Variants in DPP6 observed in about 807,000 individuals in gnomAD.
DPP6 encodes the protein dipeptidyl peptidase like 6.
DPP6 carries 69 observed loss-of-function variants against 122.6 expected under a neutral mutation model. The ratio of observed to expected loss-of-function variants is 0.56; its 90% CI spans 0.46 to 0.69. The LOEUF is 0.69. Ranked by LOEUF, DPP6 falls within the 30% of genes least tolerant of loss-of-function variation. The pLI is 0.00. For missense variants in DPP6, 928 were observed against 1,116.9 expected, an observed-to-expected ratio of 0.83 and a Z score of 2.41; for synonymous variants, 418 against 433.1, an observed-to-expected ratio of 0.97 and a Z score of 0.43.
At position 154,502,346 on chromosome 7, in the gene DPP6, G is replaced by A. The variant is rs181939776; in HGVS notation, c.457+27309G>A. Among the ~76,000 whole-genome samples, 575 of 152,172 alleles carry A rather than the reference G, an allele frequency of 3.8e-3. 1 individual carries two copies. Among genetic ancestry groups the A allele is most frequent in the Non-Finnish European group, 6.2e-3 (423 of 68,008 alleles). On this transcript the variant is annotated intron_variant, in intron 3 of 25. Coordinates refer to ENST00000377770, the MANE Select transcript of DPP6 (RefSeq NM_130797.4). ...ATGAGATTTGGGAGGGGCTAGGGGT[G>A]GAATGATATGATTTGGCTCTGTCCC...
At chr7:153,904,937 C>T (rs1799788445) in intron 1 of DPP6, among the ~76,000 whole-genome samples, 2 of 152,216 alleles carry the variant, frequency 1.3e-5, no homozygotes, top group East Asian at 3.8e-4. Context: ...AGACAGGAAG[C>T]TGTCCATTTT....
intron 1 of DPP6, among the ~76,000 whole-genome samples, chr7:154,367,211 C>T (rs1391050817): frequency 1.3e-5 from 2 of 152,192 alleles, no homozygotes; most frequent in African/African-American, 2.4e-5. Flanking sequence ...GACAGAGACC[C>T]GGAAGGATCC....
chr7:153,816,714 A>G, the DPP6 span, among the ~76,000 whole-genome samples: 1 of 152,056 alleles, frequency 6.6e-6, no homozygotes, highest in East Asian at 1.9e-4. Context: ...ATATCCCAGT[A>G]GAGGAATCCA....
chr7:154,688,711 T>C (rs1292136840), intron 7 of DPP6, among the ~76,000 whole-genome samples: 1 of 152,148 alleles, frequency 6.6e-6, no homozygotes, highest in Admixed American at 6.5e-5. Context: ...CTCTTTTTCA[T>C]GTTTTTCTGC....
intron 1 of DPP6, among the ~76,000 whole-genome samples, chr7:153,937,589 A>G (rs1801515801): frequency 6.6e-6 from 1 of 151,850 alleles, no homozygotes. Context: ...CTGGGATAAC[A>G]GGCGCCCGCC....
intron 1 of DPP6, among the ~76,000 whole-genome samples, chr7:154,283,311 T>G (rs889033437): frequency 5.3e-5 from 8 of 152,308 alleles, no homozygotes; most frequent in Admixed American, 2.0e-4. Flanking sequence ...TTATTGCAAC[T>G]CTGTGTGCCT....
the DPP6 span, among the ~76,000 whole-genome samples, chr7:153,841,683 AACT>A: frequency 6.6e-6 from 1 of 152,236 alleles, no homozygotes; most frequent in African/African-American, 2.4e-5. Flanking sequence ...ATCTTAAAGC[AACT>A]AGAGTCAGCT....
chr7:154,587,500 T>A, intron 5 of DPP6: 1 of 801,444 alleles, frequency 1.2e-6, no homozygotes, highest in Non-Finnish European at 1.9e-6. Context: ...ATGCAAAATA[T>A]TGTACCTCTG....
intron 1 of DPP6, among the ~76,000 whole-genome samples, chr7:154,002,852 A>G (rs1797747047): frequency 2.0e-5 from 3 of 152,166 alleles, no homozygotes; most frequent in Admixed American, 2.0e-4. Flanking sequence ...AGAGTTGGTA[A>G]CACACTTTCT....
chr7:153,846,575 C>G, the DPP6 span, among the ~76,000 whole-genome samples: 1 of 151,164 alleles, frequency 6.6e-6, no homozygotes, highest in Non-Finnish European at 1.5e-5. Flanking sequence ...GGTGAAATTT[C>G]ATGTATGTCA....
intron 7 of DPP6, among the ~76,000 whole-genome samples, chr7:154,708,158 G>C (rs1840938529): frequency 6.6e-6 from 1 of 152,158 alleles, no homozygotes; most frequent in Non-Finnish European, 1.5e-5. Flanking sequence ...GCAATTTTAG[G>C]ACTACTTCCA....
chr7:154,368,467 T>C (rs954541335), intron 1 of DPP6, among the ~76,000 whole-genome samples: 11 of 152,228 alleles, frequency 7.2e-5, no homozygotes, highest in African/African-American at 2.4e-5. Flanking sequence ...GCTTTGAGAA[T>C]GTTCTCTGGC....
intron 1 of DPP6, among the ~76,000 whole-genome samples, chr7:154,400,357 G>A (rs1300708837): frequency 6.6e-6 from 1 of 152,228 alleles, no homozygotes; most frequent in Non-Finnish European, 1.5e-5. Flanking sequence ...TTTGAGCACA[G>A]GTGAGGCAGT....
At chr7:154,134,381 G>T (rs1482469884) in intron 1 of DPP6, among the ~76,000 whole-genome samples, 1 of 152,110 alleles carries the variant, frequency 6.6e-6, no homozygotes, top group East Asian at 1.9e-4. Context: ...GTACAGGGAG[G>T]TGTGGAGTTG....
Position 154,638,808 on chromosome 7 carries a change from C to T in DPP6, c.680+935C>T, listed in dbSNP as rs191073856. ...TTTTATCTTCATTATTTCTTCGTCT[C>T]CTCTTCCCTCCTCCTTCCCTCCCCT... On this transcript the variant is annotated intron_variant, in intron 6 of 25. Transcript: ENST00000377770. Among the ~76,000 whole-genome samples, 30 of 152,288 alleles carry T rather than the reference C, an allele frequency of 2.0e-4. No homozygotes were observed. In the East Asian group the frequency reaches 5.4e-3, roughly 27 times the overall value.
At chr7:153,887,802 G>A (rs1799001709) in intron 1 of DPP6, 1 of 1,569,770 alleles carries the variant, frequency 6.4e-7, no homozygotes, top group Non-Finnish European at 8.7e-7. Context: ...GCTGGGGGAG[G>A]TCTGTCCTTC....
At chr7:154,000,395 T>G (rs1046690823) in intron 1 of DPP6, among the ~76,000 whole-genome samples, 1 of 152,136 alleles carries the variant, frequency 6.6e-6, no homozygotes, top group Non-Finnish European at 1.5e-5. Flanking sequence ...GAGAGCAGGA[T>G]GAAATCAATG....
chr7:154,659,359 A>G (rs1238614617), intron 6 of DPP6, among the ~76,000 whole-genome samples: 5 of 152,232 alleles, frequency 3.3e-5, no homozygotes, highest in Non-Finnish European at 5.9e-5. Context: ...ATATTCAACC[A>G]TTGATCCTTC....
intron 1 of DPP6, among the ~76,000 whole-genome samples, chr7:154,217,607 A>G (rs1056478675): frequency 2.6e-5 from 4 of 152,234 alleles, no homozygotes; most frequent in Non-Finnish European, 5.9e-5. Flanking sequence ...TGTTGTAACA[A>G]CATAAAAAGT....
Sources: gnomAD v4.1 joint callset for allele counts (sites outside exome capture counted in the v4.1 genomes callset) on GRCh38, gnomAD v4.1.1 for gene constraint, MANE v1.5 for transcripts, NCBI Gene and HGNC (gene_info 2026-07-23, HGNC 2026-07-21) for gene names.